Variants in STK32A observed in about 807,000 individuals in gnomAD.
STK32A encodes the protein serine/threonine-protein kinase 32A.
STK32A carries 41 observed loss-of-function variants against 53.2 expected under a neutral mutation model. The observed-to-expected ratio is 0.77, with a 90% CI of 0.60 to 1.00. The LOEUF (loss-of-function observed/expected upper bound fraction) is 1.00. Among genes scored for constraint, STK32A ranks in the 50% least tolerant of loss-of-function variants. The pLI, the probability that STK32A is intolerant of heterozygous loss-of-function variation, is 0.00. For synonymous variants in STK32A, 166 were observed against 162.8 expected, an observed-to-expected ratio of 1.02 and a Z score of -0.15; for missense variants, 458 against 485.8, an observed-to-expected ratio of 0.94 and a Z score of 0.54.
intron 2 of STK32A, among the ~76,000 whole-genome samples, chr5:147,240,488 A>T (rs58059255): frequency 0.013 from 1,993 of 152,270 alleles, 41 homozygotes; most frequent in African/African-American, 0.045. Context: ...AATTCAGGAA[A>T]TCTGACACCA....
chr5:147,326,291 G>A (rs761891756), intron 5 of STK32A, among the ~76,000 whole-genome samples: 3 of 152,116 alleles, frequency 2.0e-5, no homozygotes, highest in South Asian at 2.1e-4. Flanking sequence ...CTTAGTGCCC[G>A]TTCTCAGAAG....
intron 12 of STK32A, 47 bp downstream of exon 12, chr5:147,383,552 T>C: frequency 7.1e-7 from 1 of 1,414,780 alleles, no homozygotes; most frequent in African/African-American, 1.4e-5. Flanking sequence ...GGTGGCATGT[T>C]TCAGCCAGAC....
intron 2 of STK32A, among the ~76,000 whole-genome samples, chr5:147,270,507 C>G (rs62377687): frequency 0.087 from 13,198 of 152,128 alleles, 668 homozygotes; most frequent in Admixed American, 0.13. Flanking sequence ...AACCACTGAG[C>G]CTGGCTTTAA....
chr5:147,280,521 C>T (rs893445112), intron 4 of STK32A, among the ~76,000 whole-genome samples: 8 of 151,972 alleles, frequency 5.3e-5, no homozygotes, highest in African/African-American at 1.7e-4. Context: ...GCCAGCTTTT[C>T]CCCACTTCCT....
At chr5:147,361,442 T>G (rs1447631191) in intron 7 of STK32A, 75 bp from the exon 8 acceptor site, 2 of 981,304 alleles carry the variant, frequency 2.0e-6, no homozygotes, top group Non-Finnish European at 3.2e-6. Flanking sequence ...AATTCTCCTT[T>G]GGAGGAACAT....
chr5:147,282,589 G>A (rs1266013765), intron 4 of STK32A, among the ~76,000 whole-genome samples: 1 of 152,172 alleles, frequency 6.6e-6, no homozygotes, highest in African/African-American at 2.4e-5. Flanking sequence ...AAGTAAAGGT[G>A]TGGGGAAAGG....
At chr5:147,292,969 A>G (rs1418636313) in intron 4 of STK32A, among the ~76,000 whole-genome samples, 1 of 152,186 alleles carries the variant, frequency 6.6e-6, no homozygotes, top group Non-Finnish European at 1.5e-5. Context: ...GAACTTTTAT[A>G]TTAGAATTCT....
chr5:147,271,533 A>T (rs926952046), intron 2 of STK32A, among the ~76,000 whole-genome samples: 2 of 152,200 alleles, frequency 1.3e-5, no homozygotes, highest in African/African-American at 2.4e-5. Flanking sequence ...GTGAGCCGGG[A>T]GGAACAGAGC....
the STK32A span, among the ~76,000 whole-genome samples, chr5:147,397,094 G>A: frequency 2.7e-5 from 4 of 145,960 alleles, no homozygotes. Flanking sequence ...TACATATATT[G>A]TAAATATATA....
intron 7 of STK32A, among the ~76,000 whole-genome samples, chr5:147,356,725 G>A (rs1477501670): frequency 6.6e-6 from 1 of 152,080 alleles, no homozygotes; most frequent in Non-Finnish European, 1.5e-5. Flanking sequence ...GACACTCAAA[G>A]GAAATGCTCA....
At chr5:147,253,234 A>C (rs1754077108) in intron 2 of STK32A, among the ~76,000 whole-genome samples, 1 of 152,154 alleles carries the variant, frequency 6.6e-6, no homozygotes, top group African/African-American at 2.4e-5. Flanking sequence ...GAGGGAAGAG[A>C]TGAATATTTC....
intron 4 of STK32A, among the ~76,000 whole-genome samples, chr5:147,293,391 T>C (rs1488095185): frequency 6.6e-6 from 1 of 151,150 alleles, no homozygotes; most frequent in Non-Finnish European, 1.5e-5. Context: ...TTGACAATGC[T>C]TTCTGTATGA....
chr5:147,255,349 G>A (rs1754182130), intron 2 of STK32A, among the ~76,000 whole-genome samples: 4 of 152,078 alleles, frequency 2.6e-5, no homozygotes, highest in African/African-American at 9.7e-5. Context: ...GTTAGTTAAG[G>A]GAGGTTTCAG....
At position 147,366,096 on chromosome 5, in the gene STK32A, C is replaced by T. The variant is rs1301315320; in HGVS notation, c.660+4482C>T. 3.9e-5 allele frequency among the ~76,000 whole-genome samples: 6 copies of T among 152,056 alleles called. No homozygotes were observed. In the East Asian group the frequency reaches 1.2e-3, roughly 29 times the overall value. On this transcript the variant is annotated intron_variant, in intron 8 of 12. Coordinates refer to ENST00000397936, the MANE Select transcript of STK32A (RefSeq NM_001112724.2). Reference sequence around the variant, plus strand: ...CACAAGCCTTATCTGCACCCCCGCCCACTCCCCACAACAAACTTCAGATGT... The same window carrying T: ...CACAAGCCTTATCTGCACCCCCGCCTACTCCCCACAACAAACTTCAGATGT...
intron 11 of STK32A, among the ~76,000 whole-genome samples, chr5:147,380,490 G>T (rs548766629): frequency 1.3e-5 from 2 of 148,192 alleles, no homozygotes; most frequent in Non-Finnish European, 2.9e-5. Context: ...AATAATAAAT[G>T]ACTGAATGAT....
intron 2 of STK32A, among the ~76,000 whole-genome samples, chr5:147,260,215 C>T (rs1298658034): frequency 1.1e-4 from 6 of 55,062 alleles, no homozygotes; most frequent in African/African-American, 5.1e-4. Context: ...TCTCTCTCCT[C>T]TCTCTCTCTC....
the STK32A span, chr5:147,393,647 C>A: frequency 2.0e-5 from 4 of 197,866 alleles, no homozygotes; most frequent in Admixed American, 1.6e-4. Flanking sequence ...GCTCCCACCA[C>A]CCACTCACCC....
chr5:147,298,209 G>T (rs1424230776), intron 4 of STK32A, among the ~76,000 whole-genome samples: 1 of 152,134 alleles, frequency 6.6e-6, no homozygotes, highest in Non-Finnish European at 1.5e-5. Flanking sequence ...ACAGGAGTAG[G>T]AGGAGATGGA....
intron 2 of STK32A, among the ~76,000 whole-genome samples, chr5:147,245,894 T>C (rs1391403203): frequency 5.3e-5 from 8 of 152,166 alleles, no homozygotes; most frequent in African/African-American, 1.7e-4. Context: ...ACAGAGGCAA[T>C]GGGATCCTTT....
Sources: gnomAD v4.1 joint callset for allele counts (sites outside exome capture counted in the v4.1 genomes callset) on GRCh38, gnomAD v4.1.1 for gene constraint, MANE v1.5 for transcripts, NCBI Gene and HGNC (gene_info 2026-07-23, HGNC 2026-07-21) for gene names.